CDH2: variants seen among roughly 807,000 people sequenced by gnomAD.
CDH2 encodes the protein cadherin-2.
A neutral mutation model predicts 92.0 loss-of-function variants in CDH2; 17 were observed. That is an observed-to-expected ratio of 0.18 (90% CI 0.13 to 0.28). The LOEUF (loss-of-function observed/expected upper bound fraction) is 0.28, where lower values mean the gene tolerates loss of function less well. Among genes scored for constraint, CDH2 ranks in the 10% least tolerant of loss-of-function variants. The pLI, the probability that CDH2 is intolerant of heterozygous loss-of-function variation, is 1.00. For missense variants in CDH2, 862 were observed against 1,133.1 expected (o/e 0.76, Z 3.44); for synonymous variants, 419 against 415.9 (o/e 1.01, Z -0.09).
intron 6 of CDH2, among the ~76,000 whole-genome samples, chr18:27,944,962 CAT>C (rs1213508866): frequency 3.3e-5 from 5 of 152,048 alleles, no homozygotes; most frequent in Non-Finnish European, 7.4e-5. Flanking sequence ...CTAAAACAAT[CAT>C]AAAATATATA....
chr18:28,033,904 G>C (rs975482456), intron 2 of CDH2, among the ~76,000 whole-genome samples: 7 of 151,944 alleles, frequency 4.6e-5, no homozygotes, highest in Admixed American at 1.3e-4. Context: ...AAAAATGCTT[G>C]TATTAAAAAG....
chr18:27,999,876 C>T (rs1263886010), intron 7 of CDH2, among the ~76,000 whole-genome samples: 1 of 151,690 alleles, frequency 6.6e-6, no homozygotes, highest in Admixed American at 6.6e-5. Flanking sequence ...GGGCAGTTTC[C>T]CCCATACTGT....
At chr18:28,051,272 T>C (rs2014184916) in intron 2 of CDH2, among the ~76,000 whole-genome samples, 1 of 152,162 alleles carries the variant, frequency 6.6e-6, no homozygotes, top group South Asian at 2.1e-4. Context: ...ATAGCTAACA[T>C]GATACTAGGC....
At chr18:28,021,184 T>G in intron 2 of CDH2, among the ~76,000 whole-genome samples, 1 of 151,918 alleles carries the variant, frequency 6.6e-6, no homozygotes, top group East Asian at 1.9e-4. Context: ...ATATACTGAG[T>G]TGATATTTAA....
At chr18:27,976,248 C>A (rs1030497360) in intron 14 of CDH2, among the ~76,000 whole-genome samples, 1 of 152,168 alleles carries the variant, frequency 6.6e-6, no homozygotes, top group Non-Finnish European at 1.5e-5. Flanking sequence ...GCTGGCATTG[C>A]TCCTTGAACC....
intron 2 of CDH2, among the ~76,000 whole-genome samples, chr18:28,137,894 G>A (rs2015890804): frequency 1.3e-5 from 2 of 151,926 alleles, no homozygotes; most frequent in Non-Finnish European, 2.9e-5. Flanking sequence ...TTTCTCCATT[G>A]CCTGGCATTA....
intron 2 of CDH2, among the ~76,000 whole-genome samples, chr18:28,122,657 T>C (rs2144274677): frequency 6.6e-6 from 1 of 152,230 alleles, no homozygotes; most frequent in Non-Finnish European, 1.5e-5. Flanking sequence ...AGCACGAAGA[T>C]TTCTAATTAT....
At chr18:28,098,390 C>T (rs187129992) in intron 2 of CDH2, among the ~76,000 whole-genome samples, 1 of 152,200 alleles carries the variant, frequency 6.6e-6, no homozygotes, top group Admixed American at 6.5e-5. Flanking sequence ...TGAACCACTG[C>T]TCCTAGAAGA....
At chr18:28,000,248 GCACAC>G (rs1346766303) in intron 7 of CDH2, among the ~76,000 whole-genome samples, 1 of 152,016 alleles carries the variant, frequency 6.6e-6, no homozygotes, top group Non-Finnish European at 1.5e-5. Flanking sequence ...GACTACAGGT[GCACAC>G]CACCATGCCA....
intron 2 of CDH2, among the ~76,000 whole-genome samples, chr18:28,041,581 G>A (rs894937867): frequency 2.0e-5 from 3 of 152,182 alleles, no homozygotes; most frequent in Non-Finnish European, 2.9e-5. Flanking sequence ...AGCAGTGCAC[G>A]CAACACTGTT....
chr18:27,973,362 T>C (rs1157825491), intron 14 of CDH2, among the ~76,000 whole-genome samples: 1 of 152,214 alleles, frequency 6.6e-6, no homozygotes, highest in Non-Finnish European at 1.5e-5. Context: ...TTGTATGTGA[T>C]TTCTTACATG....
intron 5 of CDH2, among the ~76,000 whole-genome samples, chr18:28,006,642 C>A (rs2144019704): frequency 6.7e-6 from 1 of 148,854 alleles, no homozygotes; most frequent in South Asian, 2.1e-4. Context: ...AAGAGAATCA[C>A]TTGAACCCGA....
intron 2 of CDH2, among the ~76,000 whole-genome samples, chr18:28,070,777 G>A (rs959516813): frequency 6.6e-6 from 1 of 152,212 alleles, no homozygotes; most frequent in African/African-American, 2.4e-5. Flanking sequence ...AGACAAAGAG[G>A]TAGTAAGGCA....
At chr18:27,975,004 A>C (rs2011778759) in intron 14 of CDH2, among the ~76,000 whole-genome samples, 1 of 152,194 alleles carries the variant, frequency 6.6e-6, no homozygotes, top group Non-Finnish European at 1.5e-5. Flanking sequence ...AAAACAAAAA[A>C]CAAAACACCC....
chr18:28,161,208 C>T (rs939393724), intron 1 of CDH2, among the ~76,000 whole-genome samples: 1 of 152,168 alleles, frequency 6.6e-6, no homozygotes, highest in African/African-American at 2.4e-5. Context: ...TCTTCCAGAG[C>T]AGAGCCTGGT....
rs551573442 is a variant in CDH2, at chr18:28,027,421, T to C, written c.173-13512A>G. Among the ~76,000 whole-genome samples, 11 of 152,306 alleles carry C rather than the reference T, an allele frequency of 7.2e-5. No individual in the cohort carries two copies. The East Asian group carries it at 1.4e-3, about 19-fold the overall frequency. On this transcript the variant is annotated intron_variant, in intron 2 of 15. Transcript: ENST00000269141. The stretch of plus-strand genomic sequence containing the variant: ...ACAAAGTCTATTAGGAGCTGCTATT[T>C]CATTTCCTTTCCAGGAAAAGTCATG...
Position 28,123,331 on chromosome 18 carries a change from T to C in CDH2, c.172+24342A>G, listed in dbSNP as rs28365311. ...AGATGCTATGATGATCCATGTATTT[T>C]TGATAAGCATGCTGCTAACCTGCAG... On this transcript the variant is annotated intron_variant, in intron 2 of 15. Coordinates refer to ENST00000269141, the MANE Select transcript of CDH2 (RefSeq NM_001792.5). Among the ~76,000 whole-genome samples the C allele has an allele frequency of 2.0e-5, 3 of 152,292 alleles. No individual in the cohort carries two copies. The East Asian group carries it at 5.8e-4, about 29-fold the overall frequency.
At chr18:28,032,816 T>C (rs988394123) in intron 2 of CDH2, among the ~76,000 whole-genome samples, 10 of 152,210 alleles carry the variant, frequency 6.6e-5, no homozygotes, top group African/African-American at 2.4e-4. Context: ...CATTCCATTT[T>C]AGCACCAAGG....
chr18:28,091,784 G>A (rs180787401), intron 2 of CDH2, among the ~76,000 whole-genome samples: 4 of 152,178 alleles, frequency 2.6e-5, no homozygotes, highest in Admixed American at 2.6e-4. Context: ...GATTAACTGA[G>A]CTATTTTAAT....
Sources: gnomAD v4.1 joint callset for allele counts (sites outside exome capture counted in the v4.1 genomes callset) on GRCh38, gnomAD v4.1.1 for gene constraint, MANE v1.5 for transcripts, NCBI Gene and HGNC (gene_info 2026-07-23, HGNC 2026-07-21) for gene names.